The following COL4A1 variants were observed in gnomAD, a reference collection of about 807,000 sequenced individuals.
The protein encoded by COL4A1 is collagen alpha-1(IV) chain.
In COL4A1, 40 loss-of-function variants were observed where a neutral mutation model predicts 216.6. That is an observed-to-expected ratio of 0.18 (90% CI 0.14 to 0.24). COL4A1 has a LOEUF of 0.24. COL4A1 is among the 10% of genes least tolerant of loss of function. The pLI, the probability that COL4A1 is intolerant of heterozygous loss-of-function variation, is 1.00. For synonymous variants in COL4A1, 839 were observed against 810.7 expected (o/e 1.03, Z -0.59); for missense variants, 1,628 against 2,196.8 (o/e 0.74, Z 5.18).
intron 2 of COL4A1, among the ~76,000 whole-genome samples, chr13:110,228,137 G>T (rs972847636): frequency 6.6e-6 from 1 of 150,766 alleles, no homozygotes; most frequent in Admixed American, 6.7e-5. Flanking sequence ...CGGAGCACCT[G>T]CCAAGCCACG....
intron 45 of COL4A1, among the ~76,000 whole-genome samples, chr13:110,165,963 C>G (rs1877317777): frequency 6.6e-6 from 1 of 152,194 alleles, no homozygotes; most frequent in Admixed American, 6.5e-5. Flanking sequence ...TTTCTGAATT[C>G]TGAGCCTGTC....
intron 1 of COL4A1, among the ~76,000 whole-genome samples, chr13:110,294,802 T>C (rs1003114822): frequency 6.6e-6 from 1 of 152,224 alleles, no homozygotes; most frequent in African/African-American, 2.4e-5. Context: ...TCTGTATTCA[T>C]CCCATAAATA....
intron 1 of COL4A1, among the ~76,000 whole-genome samples, chr13:110,270,348 T>C (rs1445872996): frequency 6.6e-6 from 1 of 151,630 alleles, no homozygotes; most frequent in Non-Finnish European, 1.5e-5. Context: ...TAAATCTACA[T>C]CTAATTAAGA....
At chr13:110,206,221 A>G (rs1879507800) in intron 15 of COL4A1, among the ~76,000 whole-genome samples, 1 of 152,252 alleles carries the variant, frequency 6.6e-6, no homozygotes. Context: ...CCTTCCAGGT[A>G]GAAACCAGAA....
At chr13:110,215,300 C>A (rs796824345) in intron 2 of COL4A1, among the ~76,000 whole-genome samples, 2 of 151,930 alleles carry the variant, frequency 1.3e-5, no homozygotes, top group East Asian at 3.9e-4. Context: ...TCGCTCATGC[C>A]TGTAATCCCA....
chr13:110,179,213 T>C, intron 30 of COL4A1, 58 bp downstream of exon 30: 1 of 1,607,532 alleles, frequency 6.2e-7, no homozygotes, highest in Non-Finnish European at 8.5e-7. Context: ...GCTCTGGGAA[T>C]GCAAAAATAA....
intron 51 of COL4A1, among the ~76,000 whole-genome samples, chr13:110,151,908 TA>T (rs891480826): frequency 1.3e-5 from 2 of 152,124 alleles, no homozygotes; most frequent in African/African-American, 4.8e-5. Flanking sequence ...TGCACAGGTC[TA>T]AAAAAATACC....
At chr13:110,284,047 G>T (rs775792142) in intron 1 of COL4A1, among the ~76,000 whole-genome samples, 2 of 152,186 alleles carry the variant, frequency 1.3e-5, no homozygotes, top group African/African-American at 2.4e-5. Flanking sequence ...TCAGCAAAGG[G>T]TCTGTAGGTC....
intron 20 of COL4A1, among the ~76,000 whole-genome samples, chr13:110,199,147 T>C (rs1487238190): frequency 6.6e-6 from 1 of 152,150 alleles, no homozygotes; most frequent in Non-Finnish European, 1.5e-5. Flanking sequence ...CCACTGTAAC[T>C]CTGTAAGGGT....
At chr13:110,168,932 C>T (rs1014879558) in intron 43 of COL4A1, among the ~76,000 whole-genome samples, 15 of 152,144 alleles carry the variant, frequency 9.9e-5, no homozygotes, top group African/African-American at 3.4e-4. Context: ...GAGCGAGCCA[C>T]GTAAACACAA....
intron 26 of COL4A1, among the ~76,000 whole-genome samples, chr13:110,183,747 A>G (rs2139170408): frequency 6.6e-6 from 1 of 152,364 alleles, no homozygotes; most frequent in East Asian, 1.9e-4. Context: ...GTGATTACGA[A>G]CGATCCATTA....
intron 1 of COL4A1, among the ~76,000 whole-genome samples, chr13:110,296,708 G>A (rs926447104): frequency 2.0e-5 from 3 of 152,190 alleles, no homozygotes; most frequent in Non-Finnish European, 4.4e-5. Flanking sequence ...TGAAGGCTCA[G>A]TCCCACAAGA....
intron 17 of COL4A1, among the ~76,000 whole-genome samples, chr13:110,203,840 G>C (rs1879361499): frequency 6.6e-6 from 1 of 151,868 alleles, no homozygotes; most frequent in Non-Finnish European, 1.5e-5. Context: ...AATATAAGTT[G>C]GGGGCTAATT....
chr13:110,266,545 T>C (rs1237868260), intron 1 of COL4A1, among the ~76,000 whole-genome samples: 1 of 152,056 alleles, frequency 6.6e-6, no homozygotes, highest in African/African-American at 2.4e-5. Flanking sequence ...CAGGGCAATG[T>C]GGGGCCTCAG....
In COL4A1 at chr13:110,192,784, C is replaced by T. The variant is rs901850735; in HGVS notation, c.1465+46G>A. On this transcript the variant is annotated intron_variant, in intron 23 of 51. Coordinates refer to ENST00000375820, the MANE Select transcript of COL4A1 (RefSeq NM_001845.6). ...CCCTTTCACAGGAAAGATGCCAACA[C>T]ACCAAAGCAAACTCTGACCTGGTCC... 1.3e-5 allele frequency: 20 copies of T among 1,558,384 alleles called. 1 individual carries two copies. Among genetic ancestry groups the T allele is most frequent in the African/African-American group, 1.2e-4 (9 of 73,736 alleles).
chr13:110,193,922 G>A (rs1163924937), intron 22 of COL4A1, among the ~76,000 whole-genome samples: 1 of 152,186 alleles, frequency 6.6e-6, no homozygotes, highest in East Asian at 1.9e-4. Flanking sequence ...AGGTGGGTGG[G>A]GAGACAAGGT....
At position 110,183,253 on chromosome 13, in the gene COL4A1, T is replaced by G. The variant is rs748345625; in HGVS notation, c.1921A>C (p.Ile641Leu). The G allele has an allele frequency of 9.9e-6, 16 of 1,613,320 alleles. No individual in the cohort carries two copies. The highest frequency in any genetic ancestry group is 2.7e-5 in the African/African-American group (2 of 74,886). The change falls in exon 27 of 52, where the codon ATT becomes CTT. Residue 641 changes from isoleucine to leucine, a missense_variant. Around this residue, in one of 8 missense-constraint regions of COL4A1, gnomAD observed 701 missense variants for 892.5 expected, o/e 0.79. Coordinates refer to ENST00000375820, the MANE Select transcript of COL4A1 (RefSeq NM_001845.6). ...LPGPKGEPGK[I>L]VPLPGPPGAE... is the part of the protein sequence containing the mutation. ...CCAGGGGGGCCTGGTAAAGGAACAA[T>G]TTTTCCTGGTTCACCCTTTGGACCT...
chr13:110,246,412 ATGG>A (rs1256098553), intron 1 of COL4A1, among the ~76,000 whole-genome samples: 6 of 56,152 alleles, frequency 1.1e-4, no homozygotes, highest in Admixed American at 1.0e-3. Context: ...TAAGCTTCAA[ATGG>A]TGAATTAAAA....
At chr13:110,264,455 A>G (rs892985140) in intron 1 of COL4A1, among the ~76,000 whole-genome samples, 1 of 152,096 alleles carries the variant, frequency 6.6e-6, no homozygotes, top group African/African-American at 2.4e-5. Context: ...AATAATTCCT[A>G]AGAACAACAG....
Sources: gnomAD v4.1 joint callset for allele counts (sites outside exome capture counted in the v4.1 genomes callset) on GRCh38, gnomAD v4.1.1 for gene constraint, gnomAD v4.1.1 regional missense constraint, MANE v1.5 for transcripts, NCBI Gene and HGNC (gene_info 2026-07-23, HGNC 2026-07-21) for gene names.